Variants in TOMM5 observed in about 807,000 individuals in gnomAD.
The protein encoded by TOMM5 is mitochondrial import receptor subunit TOM5 homolog.
A neutral mutation model predicts 4.8 loss-of-function variants in TOMM5; 1 was observed. That is an observed-to-expected ratio of 0.21 (90% CI 0.07 to 0.99). The LOEUF is 0.99. Ranked by LOEUF, TOMM5 falls within the 50% of genes least tolerant of loss-of-function variation. The pLI, the probability that TOMM5 is intolerant of heterozygous loss-of-function variation, is 0.60. For missense variants in TOMM5, 60 were observed against 66.6 expected, an observed-to-expected ratio of 0.90 and a Z score of 0.35; for synonymous variants, 26 against 26.7, an observed-to-expected ratio of 0.97 and a Z score of 0.08.
rs1181296853 is a variant in TOMM5, at chr9:37,592,488, C to T, written c.45G>A (p.Glu15=). The part of the protein sequence containing the change: ...EGLAPKLDPE[E]MKRKMREDVI... The stretch of plus-strand genomic sequence containing the variant: ...CATCCTCGCGCATCTTCCGTTTCAT[C>T]TCCTCCGGGTCCAGCTTCGGCGCGA... The change falls in exon 1 of 2, where the codon GAG becomes GAA. Residue 15 remains glutamate (E), a synonymous_variant. Transcript: ENST00000321301. The T allele has an allele frequency of 1.2e-6, 2 of 1,614,100 alleles. No individual in the cohort carries two copies. Among genetic ancestry groups the T allele is most frequent in the South Asian group, 2.2e-5 (2 of 91,080 alleles).
Position 37,592,596 on chromosome 9 carries a change from C to T in TOMM5, c.-64G>A, listed in dbSNP as rs760715869. 455 of 1,568,834 alleles carry T rather than the reference C, an allele frequency of 2.9e-4. 1 individual carries two copies. In the Middle Eastern group the frequency reaches 9.7e-3, roughly 33 times the overall value. On this transcript the variant is annotated 5_prime_UTR_variant, in exon 1 of 2. Coordinates refer to ENST00000321301, the MANE Select transcript of TOMM5 (RefSeq NM_001001790.3). ...GCTCTCCACGGTGGCCGCCTCGCGC[C>T]CGGAACTCGGCCTATCCTCACTTCC...
chr9:37,592,265 A>G lies in TOMM5; in HGVS notation c.121+147T>C, dbSNP rs1412916885. 1.9e-6 allele frequency: 3 copies of G among 1,550,756 alleles called. No homozygotes were observed. The highest frequency in any genetic ancestry group is 2.6e-6 in the Non-Finnish European group (3 of 1,145,878). On this transcript the variant is annotated intron_variant, in intron 1 of 1. Transcript: ENST00000321301. Reference sequence around the variant, plus strand: ...CTGACCCGCAGACCTCAAACCGCGCATATGCCCGTCGCCTTCAACGCGCAC... The same window carrying G: ...CTGACCCGCAGACCTCAAACCGCGCGTATGCCCGTCGCCTTCAACGCGCAC...
At chr9:37,590,847 T>C (rs12001828) in intron 1 of TOMM5, among the ~76,000 whole-genome samples, 5,241 of 152,158 alleles carry the variant, frequency 0.034, 288 homozygotes, top group African/African-American at 0.12. Context: ...CCATAGACAG[T>C]GAAAGAGACA....
In TOMM5 at chr9:37,588,583, T is replaced by C. The variant is rs1823051583; in HGVS notation, c.*315A>G. On this transcript the variant is annotated 3_prime_UTR_variant, in exon 2 of 2. Transcript: ENST00000321301. ...GAAATGACTGACAAGACAGTGCCAT[T>C]TCAGACACAGCTCCCTTAATACTTG... 1 of 481,436 alleles carries C rather than the reference T, an allele frequency of 2.1e-6. No individual in the cohort carries two copies. Among genetic ancestry groups the C allele is most frequent in the Non-Finnish European group, 3.8e-6 (1 of 261,404 alleles). 29.8% of individuals were successfully genotyped at this position (481,436 alleles called of 1,614,324 possible).
At chr9:37,592,260 C>T (rs758782391) in intron 1 of TOMM5, 152 bp downstream of exon 1, 1 of 1,548,420 alleles carries the variant, frequency 6.5e-7, no homozygotes, top group Non-Finnish European at 8.7e-7. Context: ...GACCTCAAAC[C>T]GCGCATATGC....
At chr9:37,590,151 G>A (rs1195974669) in intron 1 of TOMM5, among the ~76,000 whole-genome samples, 2 of 152,170 alleles carry the variant, frequency 1.3e-5, no homozygotes, top group South Asian at 2.1e-4. Context: ...CAACAGGTTG[G>A]GAGGAGGAAA....
Position 37,591,712 on chromosome 9 carries a change from A to G in TOMM5, c.121+700T>C, listed in dbSNP as rs539215121. 4.4e-4 allele frequency among the ~76,000 whole-genome samples: 67 copies of G among 151,634 alleles called. No individual in the cohort carries two copies. The South Asian group carries it at 8.6e-3, about 19-fold the overall frequency. ...GTATCGAGGAAAAAAAAAAAAAAGA[A>G]AAGAAAAGAAAGGGAAGGAACCTGG... is the stretch of plus-strand genomic sequence containing the variant. On this transcript the variant is annotated intron_variant, in intron 1 of 1. Coordinates refer to ENST00000321301, the MANE Select transcript of TOMM5 (RefSeq NM_001001790.3).
intron 1 of TOMM5, among the ~76,000 whole-genome samples, chr9:37,589,239 T>C (rs1284612091): frequency 2.0e-5 from 3 of 152,262 alleles, no homozygotes; most frequent in Non-Finnish European, 4.4e-5. Context: ...TCTAGCGATT[T>C]ATTTTAACTG....
chr9:37,589,010 T>G (rs1823059577), intron 1 of TOMM5, 78 bp from the exon 2 acceptor site: 3 of 1,310,498 alleles, frequency 2.3e-6, no homozygotes, highest in Non-Finnish European at 3.2e-6. Context: ...TCAGGTTTAT[T>G]CAACATGTTT....
At chr9:37,589,912 G>A (rs956820546) in intron 1 of TOMM5, among the ~76,000 whole-genome samples, 5 of 152,056 alleles carry the variant, frequency 3.3e-5, no homozygotes, top group East Asian at 1.9e-4. Context: ...AATTCTTAAC[G>A]ACAGAAAAAA....
chr9:37,589,041 TG>T (rs1209950598), intron 1 of TOMM5, 109 bp from the exon 2 acceptor site: 2 of 937,302 alleles, frequency 2.1e-6, no homozygotes, highest in East Asian at 5.1e-5. Context: ...CTCCAAGTGA[TG>T]GTCAAGCATG....
At chr9:37,589,566 C>A (rs1823069481) in intron 1 of TOMM5, among the ~76,000 whole-genome samples, 1 of 151,994 alleles carries the variant, frequency 6.6e-6, no homozygotes, top group African/African-American at 2.4e-5. Context: ...AAAAAGCTAC[C>A]CAAATCACCT....
At chr9:37,590,840 T>C (rs978420910) in intron 1 of TOMM5, among the ~76,000 whole-genome samples, 8 of 152,164 alleles carry the variant, frequency 5.3e-5, no homozygotes, top group African/African-American at 1.7e-4. Flanking sequence ...AGTAATACCA[T>C]AGACAGTGAA....
intron 1 of TOMM5, among the ~76,000 whole-genome samples, chr9:37,590,832 T>TA: frequency 6.6e-6 from 1 of 152,090 alleles, no homozygotes; most frequent in East Asian, 1.9e-4. Flanking sequence ...GAAAGCAGAG[T>TA]AATACCATAG....
Position 37,592,545 on chromosome 9 carries a change from T to C in TOMM5, c.-13A>G. The C allele has an allele frequency of 6.2e-7, 1 of 1,608,812 alleles. No homozygotes were observed. Among genetic ancestry groups the C allele is most frequent in the Non-Finnish European group, 8.5e-7 (1 of 1,176,774 alleles). On this transcript the variant is annotated 5_prime_UTR_variant, in exon 1 of 2. Coordinates refer to ENST00000321301, the MANE Select transcript of TOMM5 (RefSeq NM_001001790.3). ...CAATCCGGAACATCGCGGCTCTGACTTAGCAGCTTCCAGCCGCCGCGCTCT... is the reference window on the plus strand; with the variant it reads ...CAATCCGGAACATCGCGGCTCTGACCTAGCAGCTTCCAGCCGCCGCGCTCT...
Position 37,588,757 on chromosome 9 carries a change from G to A in TOMM5, c.*141C>T, listed in dbSNP as rs1052694102. The A allele has an allele frequency of 1.4e-5, 12 of 836,176 alleles. No homozygotes were observed. The highest frequency in any genetic ancestry group is 3.3e-5 in the African/African-American group (2 of 60,070). 51.8% of individuals were successfully genotyped at this position (836,176 alleles called of 1,614,324 possible). Reference sequence around the variant, plus strand: ...TTAGCTTTGAAGGTCAGTTACCAGAGCCAAACTTGTTCTTAACAAGCAGAA... The same window carrying A: ...TTAGCTTTGAAGGTCAGTTACCAGAACCAAACTTGTTCTTAACAAGCAGAA... On this transcript the variant is annotated 3_prime_UTR_variant, in exon 2 of 2. Transcript: ENST00000321301.
chr9:37,592,403 G>C lies in TOMM5; in HGVS notation c.121+9C>G, dbSNP rs539267890. 1.8e-5 allele frequency: 29 copies of C among 1,614,050 alleles called. No individual in the cohort carries two copies. In the African/African-American group the frequency reaches 2.7e-4, roughly 15 times the overall value. On this transcript the variant is annotated intron_variant, in intron 1 of 1. Coordinates refer to ENST00000321301, the MANE Select transcript of TOMM5 (RefSeq NM_001001790.3). The stretch of plus-strand genomic sequence containing the variant: ...CTGGTCTCACAGTCACAGCCCGGGA[G>C]ACACTCACTGACTCGCAGGAGGGCC...
At chr9:37,589,817 C>T (rs553430266) in intron 1 of TOMM5, among the ~76,000 whole-genome samples, 1 of 152,198 alleles carries the variant, frequency 6.6e-6, no homozygotes, top group East Asian at 1.9e-4. Context: ...CCACTGCGCC[C>T]AGCTCAATTT....
chr9:37,592,448 G>T lies in TOMM5; in HGVS notation c.85C>A (p.Arg29=). Residue 29 remains arginine, a synonymous_variant, in exon 1 of 2, where the codon CGG becomes AGG. Coordinates refer to ENST00000321301, the MANE Select transcript of TOMM5 (RefSeq NM_001001790.3). The stretch of plus-strand genomic sequence containing the variant: ...AGGGCCACGTAGATGAGAAAGTTCC[G>T]TATGGAGGAGATCACATCCTCGCGC... ...KMREDVISSI[R]NFLIYVALLR... 6.2e-7 allele frequency: 1 copy of T among 1,614,154 alleles called. No homozygotes were observed. The highest frequency in any genetic ancestry group is 8.5e-7 in the Non-Finnish European group (1 of 1,180,030).
Sources: gnomAD v4.1 joint callset for allele counts (sites outside exome capture counted in the v4.1 genomes callset) on GRCh38, gnomAD v4.1.1 for gene constraint, MANE v1.5 for transcripts, NCBI Gene and HGNC (gene_info 2026-07-23, HGNC 2026-07-21) for gene names.